The following CARNMT1 variants were observed in gnomAD, a reference collection of about 807,000 sequenced individuals.
CARNMT1 encodes the protein protein-L-histidine N-pros-methyltransferase CARNMT1.
In CARNMT1, 28 loss-of-function variants were observed where a neutral mutation model predicts 49.6. The observed-to-expected ratio is 0.56, with a 90% CI of 0.42 to 0.77. The LOEUF (loss-of-function observed/expected upper bound fraction) is 0.77, where lower values mean the gene tolerates loss of function less well. CARNMT1 is among the 30% of genes least tolerant of loss of function. The pLI is 0.00. For missense variants in CARNMT1, 421 were observed against 512.6 expected, an observed-to-expected ratio of 0.82 and a Z score of 1.73; for synonymous variants, 178 against 175.0, an observed-to-expected ratio of 1.02 and a Z score of -0.13.
At chr9:74,997,432 G>A (rs1220909781) in intron 5 of CARNMT1, among the ~76,000 whole-genome samples, 2 of 152,136 alleles carry the variant, frequency 1.3e-5, no homozygotes, top group Non-Finnish European at 2.9e-5. Context: ...ATGGCTTCCT[G>A]TTTCTCTGAG....
At position 74,998,774 on chromosome 9, in the gene CARNMT1, C is replaced by A; in HGVS notation, c.734G>T (p.Cys245Phe). The change falls in exon 5 of 8, where the codon TGT becomes TTT. Residue 245 changes from cysteine to phenylalanine, a missense_variant and splice_region_variant. Coordinates refer to ENST00000376834, the MANE Select transcript of CARNMT1 (RefSeq NM_152420.3). ...AAGTTTATATTTATTAATTTCAGAACATCTGCAAAATATGAGTATAAAATC... is the reference window on the plus strand; with the variant it reads ...AAGTTTATATTTATTAATTTCAGAAAATCTGCAAAATATGAGTATAAAATC... ...LFSSNFVLNR[C>F]SEINKYKLYP... 6.7e-7 allele frequency: 1 copy of A among 1,503,444 alleles called. No individual in the cohort carries two copies. Among genetic ancestry groups the A allele is most frequent in the Non-Finnish European group, 8.9e-7 (1 of 1,118,452 alleles). The allele number at this position is 1,503,444 out of a possible 1,614,324, so 93.1% of individuals were successfully genotyped here. A position where few individuals can be genotyped will look rare whatever the true frequency, so the allele number is the denominator to read the frequency against.
chr9:75,001,808 G>A (rs901101192), intron 3 of CARNMT1, among the ~76,000 whole-genome samples: 2 of 152,148 alleles, frequency 1.3e-5, no homozygotes, highest in African/African-American at 2.4e-5. Flanking sequence ...CTATGAATCC[G>A]TATGAAGTCT....
At chr9:75,014,176 G>T (rs1017577652) in intron 3 of CARNMT1, among the ~76,000 whole-genome samples, 2 of 152,094 alleles carry the variant, frequency 1.3e-5, no homozygotes, top group African/African-American at 4.8e-5. Flanking sequence ...AAACTGCAAA[G>T]AATAAATTCA....
intron 1 of CARNMT1, among the ~76,000 whole-genome samples, chr9:75,023,280 A>G (rs546166753): frequency 6.6e-6 from 1 of 152,150 alleles, no homozygotes; most frequent in Admixed American, 6.5e-5. Context: ...TCTAATCAGA[A>G]GAATTATTCT....
At position 74,982,063 on chromosome 9, in the gene CARNMT1, T is replaced by C. The variant is rs767255117; in HGVS notation, c.*1704A>G. 1.3e-5 allele frequency: 2 copies of C among 148,886 alleles called. No homozygotes were observed. Among genetic ancestry groups the C allele is most frequent in the African/African-American group, 4.9e-5 (2 of 40,646 alleles). The allele number at this position is 148,886 out of a possible 1,614,324, so 9.2% of individuals were successfully genotyped here. On this transcript the variant is annotated 3_prime_UTR_variant, in exon 8 of 8. Transcript: ENST00000376834. ...GGTTACAGTCTTCCCAATTTTGACA[T>C]GTCAGATTAACTACATGAAACCCTC...
intron 4 of CARNMT1, 35 bp from the exon 5 acceptor site, chr9:74,998,811 A>C (rs1382672464): frequency 7.5e-7 from 1 of 1,338,122 alleles, no homozygotes. Context: ...GGTGTTAACT[A>C]AATATTTTAC....
chr9:75,028,027 G>A lies in CARNMT1; in HGVS notation c.215C>T (p.Ala72Val). 6.4e-7 allele frequency: 1 copy of A among 1,574,452 alleles called. No homozygotes were observed. Among genetic ancestry groups the A allele is most frequent in the East Asian group, 2.5e-5 (1 of 39,620 alleles). The change falls in exon 1 of 8, where the codon GCC becomes GTC. Residue 72 changes from alanine (A) to valine (V), a missense_variant. This residue lies in a region of CARNMT1 where 186 missense variants were observed against 167.9 expected (regional missense o/e 1.11). Transcript: ENST00000376834. ...GGCTCCTTACCCGTAGTAGCGGAAG[G>A]CATTAATGATCTTCCAGAAGTGCTC... is the stretch of plus-strand genomic sequence containing the variant. ...EREHFWKIIN[A>V]FRYYGTSMHE...
At chr9:75,010,032 T>C (rs1833638312) in intron 3 of CARNMT1, 1 of 150,940 alleles carries the variant, frequency 6.6e-6, no homozygotes, top group South Asian at 2.1e-4. Context: ...CATGTATATG[T>C]AAGTGCTAGA....
At chr9:75,023,673 A>G (rs1377932235) in intron 1 of CARNMT1, among the ~76,000 whole-genome samples, 5 of 152,234 alleles carry the variant, frequency 3.3e-5, no homozygotes, top group African/African-American at 1.2e-4. Flanking sequence ...TATCCTGCAC[A>G]TGCTTACGCT....
chr9:75,020,267 C>CTTCT (rs755164469), intron 1 of CARNMT1, among the ~76,000 whole-genome samples: 1,671 of 124,272 alleles, frequency 0.013, 66 homozygotes, highest in African/African-American at 0.041. Context: ...CATTTTTCTT[C>CTTCT]TTTTTTTTTT....
intron 3 of CARNMT1, 35 bp from the exon 4 acceptor site, chr9:74,999,905 C>A: frequency 6.5e-7 from 1 of 1,550,122 alleles, no homozygotes; most frequent in Non-Finnish European, 8.7e-7. Flanking sequence ...TCCAACCCCT[C>A]AAAGAAAAAA....
At position 75,017,253 on chromosome 9, in the gene CARNMT1, A is replaced by T. The variant is rs778471944; in HGVS notation, c.426T>A (p.Asp142Glu). ...HMFENKEYGE[D>E]GNGKIMPAST... ...AGAAATAGAACAAACTTTCACATAC[A>T]TCTTCTCCATATTCTTTATTTTCAA... The change falls in exon 2 of 8, where the codon GAT becomes GAA. Residue 142 changes from aspartate to glutamate, a missense_variant and splice_region_variant. Around this residue, in one of 2 missense-constraint regions of CARNMT1, gnomAD observed 235 missense variants for 344.8 expected, o/e 0.68. Coordinates refer to ENST00000376834, the MANE Select transcript of CARNMT1 (RefSeq NM_152420.3). The T allele has an allele frequency of 3.7e-6, 6 of 1,607,686 alleles. No homozygotes were observed. Among genetic ancestry groups the T allele is most frequent in the South Asian group, 1.1e-5 (1 of 90,328 alleles).
At chr9:75,009,189 T>C (rs541012478) in intron 3 of CARNMT1, among the ~76,000 whole-genome samples, 2 of 152,050 alleles carry the variant, frequency 1.3e-5, no homozygotes, top group South Asian at 4.1e-4. Flanking sequence ...GACCTAAACT[T>C]AGGAATTAAA....
intron 3 of CARNMT1, among the ~76,000 whole-genome samples, chr9:75,008,859 A>T (rs1483669518): frequency 1.3e-5 from 2 of 152,144 alleles, no homozygotes; most frequent in African/African-American, 4.8e-5. Flanking sequence ...CCCCCAAAAT[A>T]ATCTTGAAAA....
chr9:74,994,560 T>C (rs1007046465), intron 6 of CARNMT1, among the ~76,000 whole-genome samples: 1 of 152,158 alleles, frequency 6.6e-6, no homozygotes. Flanking sequence ...GAGAGATGTT[T>C]GGACCAGAGA....
chr9:74,990,260 TA>T (rs1293500830), intron 6 of CARNMT1, among the ~76,000 whole-genome samples: 3 of 152,124 alleles, frequency 2.0e-5, no homozygotes, highest in Admixed American at 6.5e-5. Flanking sequence ...TTAGACCTGA[TA>T]AAACTACAAG....
chr9:75,019,838 C>T (rs892942677), intron 1 of CARNMT1, among the ~76,000 whole-genome samples: 2 of 152,144 alleles, frequency 1.3e-5, no homozygotes, highest in African/African-American at 4.8e-5. Context: ...TGTTTGAGAT[C>T]GTGTAACCAC....
chr9:74,995,466 A>G (rs542124539), intron 6 of CARNMT1, among the ~76,000 whole-genome samples: 1 of 152,186 alleles, frequency 6.6e-6, no homozygotes, highest in Non-Finnish European at 1.5e-5. Context: ...CTACTTTTAA[A>G]GAAGACTTAC....
At chr9:75,016,703 T>C in intron 2 of CARNMT1, 1 of 358,294 alleles carries the variant, frequency 2.8e-6, no homozygotes. Context: ...TGAGCTGCTA[T>C]GGAGACCGAA....
Sources: allele counts gnomAD v4.1 joint callset (sites outside exome capture counted in the v4.1 genomes callset), GRCh38; gene constraint gnomAD v4.1.1; regional missense constraint gnomAD v4.1.1; transcripts MANE v1.5; gene names NCBI Gene and HGNC (gene_info 2026-07-23, HGNC 2026-07-21).